The following STK32B variants were observed in gnomAD, a reference collection of about 807,000 sequenced individuals.
STK32B encodes the protein serine/threonine kinase 32B.
In STK32B, 43 loss-of-function variants were observed where a neutral mutation model predicts 52.6. The observed-to-expected ratio is 0.82, with a 90% CI of 0.64 to 1.05. The LOEUF (loss-of-function observed/expected upper bound fraction) is 1.05, where lower values mean the gene tolerates loss of function less well. Ranked by LOEUF, STK32B falls within the 50% of genes least tolerant of loss-of-function variation. The pLI, the probability that STK32B is intolerant of heterozygous loss-of-function variation, is 0.00. For synonymous variants in STK32B, 238 were observed against 204.3 expected (o/e 1.17, Z -1.41); for missense variants, 621 against 534.6 (o/e 1.16, Z -1.59).
At chr4:5,123,465 T>TG (rs1473883921) in intron 1 of STK32B, among the ~76,000 whole-genome samples, 1 of 152,148 alleles carries the variant, frequency 6.6e-6, no homozygotes, top group African/African-American at 2.4e-5. Context: ...ATTTGCTTGT[T>TG]GGGGCTGCTG....
intron 3 of STK32B, among the ~76,000 whole-genome samples, chr4:5,230,506 A>G (rs930628): frequency 0.82 from 125,383 of 152,104 alleles, 51,831 homozygotes; most frequent in East Asian, 0.89. Context: ...CACTTTTACA[A>G]GACATTGTCC....
At chr4:5,050,871 G>A (rs1323125327), upstream of STK32B, among the ~76,000 whole-genome samples, 1 of 152,166 alleles carries the variant, frequency 6.6e-6, no homozygotes, top group Admixed American at 6.5e-5. Context: ...CGCCGATGCC[G>A]CCCAATTTTG....
chr4:5,464,200 G>A (rs1249797479), intron 9 of STK32B, among the ~76,000 whole-genome samples: 1 of 152,176 alleles, frequency 6.6e-6, no homozygotes, highest in Admixed American at 6.5e-5. Context: ...TGAGGGATCC[G>A]TCCCCATGAA....
intron 3 of STK32B, among the ~76,000 whole-genome samples, chr4:5,229,645 A>G (rs1724117611): frequency 6.6e-6 from 1 of 152,206 alleles, no homozygotes; most frequent in Admixed American, 6.5e-5. Flanking sequence ...AGAAAAATAC[A>G]CTGTAAATAA....
chr4:5,437,145 A>T (rs1197525409), intron 6 of STK32B, among the ~76,000 whole-genome samples: 4 of 152,256 alleles, frequency 2.6e-5, no homozygotes, highest in African/African-American at 9.6e-5. Flanking sequence ...GGAGTCAGAA[A>T]ACCAAGAGGT....
chr4:5,368,205 A>G (rs1734999669), intron 4 of STK32B, among the ~76,000 whole-genome samples: 1 of 152,190 alleles, frequency 6.6e-6, no homozygotes, highest in African/African-American at 2.4e-5. Context: ...CACAATGGCA[A>G]ACTCACCACT....
chr4:5,147,003 A>G (rs545617376), intron 2 of STK32B, among the ~76,000 whole-genome samples: 18 of 152,338 alleles, frequency 1.2e-4, no homozygotes, highest in Middle Eastern at 3.4e-3. Flanking sequence ...AAATAATTAT[A>G]TCTTAAGAGT....
chr4:5,275,986 C>G (rs1215457329), intron 3 of STK32B, among the ~76,000 whole-genome samples: 1 of 152,098 alleles, frequency 6.6e-6, no homozygotes, highest in Admixed American at 6.6e-5. Flanking sequence ...CACAGCCAGC[C>G]TATATTTTAA....
chr4:5,059,166 G>T (rs1202707683), intron 1 of STK32B, among the ~76,000 whole-genome samples: 1 of 141,128 alleles, frequency 7.1e-6, no homozygotes, highest in Non-Finnish European at 1.5e-5. Context: ...GCCTACCAAA[G>T]TGCTGAGATT....
At chr4:5,148,788 A>T (rs1394686384) in intron 2 of STK32B, among the ~76,000 whole-genome samples, 1 of 151,870 alleles carries the variant, frequency 6.6e-6, no homozygotes, top group African/African-American at 2.4e-5. Context: ...GCCGATTTTT[A>T]AAATCTAGTT....
chr4:5,190,528 G>A (rs983445248), intron 3 of STK32B, among the ~76,000 whole-genome samples: 6 of 152,128 alleles, frequency 3.9e-5, no homozygotes, highest in African/African-American at 9.7e-5. Flanking sequence ...AACACATTAA[G>A]CACCTACTAT....
At chr4:5,268,010 G>T (rs1727164488) in intron 3 of STK32B, among the ~76,000 whole-genome samples, 1 of 152,134 alleles carries the variant, frequency 6.6e-6, no homozygotes, top group African/African-American at 2.4e-5. Flanking sequence ...CAAGGTACAA[G>T]AATAGTTACA....
intron 2 of STK32B, among the ~76,000 whole-genome samples, chr4:5,150,830 A>G (rs1417398245): frequency 6.6e-6 from 1 of 152,170 alleles, no homozygotes; most frequent in African/African-American, 2.4e-5. Context: ...GGCTGAACTT[A>G]ACAAAACAAA....
At chr4:5,417,600 T>G (rs1373061193) in intron 6 of STK32B, among the ~76,000 whole-genome samples, 2 of 152,228 alleles carry the variant, frequency 1.3e-5, no homozygotes, top group African/African-American at 4.8e-5. Flanking sequence ...TCATTTTCCC[T>G]TTATTTCTTT....
chr4:5,159,862 A>G (rs1718298912), intron 2 of STK32B, among the ~76,000 whole-genome samples: 1 of 151,428 alleles, frequency 6.6e-6, no homozygotes, highest in Non-Finnish European at 1.5e-5. Flanking sequence ...GAAGCTGCCA[A>G]ATGCAAATCT....
At chr4:5,489,442 T>C (rs926093792) in intron 11 of STK32B, among the ~76,000 whole-genome samples, 2 of 152,324 alleles carry the variant, frequency 1.3e-5, no homozygotes, top group African/African-American at 4.8e-5. Flanking sequence ...ATTCATCAAG[T>C]AATTGCAGGA....
At chr4:5,409,881 A>G (rs975283334) in intron 5 of STK32B, among the ~76,000 whole-genome samples, 1 of 152,168 alleles carries the variant, frequency 6.6e-6, no homozygotes. Flanking sequence ...AACAGAAAAA[A>G]AATCAAAGGC....
chr4:5,176,323 G>C (rs1455911465), intron 3 of STK32B, among the ~76,000 whole-genome samples: 1 of 152,078 alleles, frequency 6.6e-6, no homozygotes, highest in Admixed American at 6.5e-5. Flanking sequence ...CCCACTGTCC[G>C]GCACTCCCCA....
intron 5 of STK32B, 40 bp from the exon 6 acceptor site, chr4:5,416,805 C>G: frequency 6.3e-7 from 1 of 1,584,164 alleles, no homozygotes; most frequent in Non-Finnish European, 8.6e-7. Context: ...CAGCTGCCTG[C>G]AGCCCACGCT....
Sources: gnomAD v4.1 joint callset for allele counts (sites outside exome capture counted in the v4.1 genomes callset) on GRCh38, gnomAD v4.1.1 for gene constraint, MANE v1.5 for transcripts, NCBI Gene and HGNC (gene_info 2026-07-23, HGNC 2026-07-21) for gene names.